Variants in ASTN2 observed in about 807,000 individuals in gnomAD.
ASTN2 encodes astrotactin-2.
In ASTN2, 54 loss-of-function variants were observed where a neutral mutation model predicts 139.8. The ratio of observed to expected loss-of-function variants is 0.39; its 90% CI spans 0.31 to 0.48. ASTN2 has a LOEUF of 0.48. Among genes scored for constraint, ASTN2 ranks in the 20% least tolerant of loss-of-function variants. The pLI is 0.95. For missense variants in ASTN2, 1,565 were observed against 1,725.1 expected (o/e 0.91, Z 1.64); for synonymous variants, 756 against 719.5 (o/e 1.05, Z -0.81).
chr9:116,481,400 C>T (rs576676506), intron 20 of ASTN2, among the ~76,000 whole-genome samples: 10 of 152,174 alleles, frequency 6.6e-5, no homozygotes, highest in African/African-American at 2.4e-4. Context: ...CAAAATGAAA[C>T]AAAAAATCTG....
intron 19 of ASTN2, among the ~76,000 whole-genome samples, chr9:116,534,614 A>G (rs1272786825): frequency 1.3e-5 from 2 of 152,084 alleles, no homozygotes; most frequent in Non-Finnish European, 2.9e-5. Context: ...TCATTTCGTT[A>G]TGTACCCAGT....
At chr9:116,556,018 A>C (rs1332905129) in intron 19 of ASTN2, among the ~76,000 whole-genome samples, 2 of 152,218 alleles carry the variant, frequency 1.3e-5, no homozygotes, top group African/African-American at 4.8e-5. Context: ...TCTCTTCAAC[A>C]GCACTGCATT....
chr9:117,297,024 G>T (rs1834753869), intron 1 of ASTN2, among the ~76,000 whole-genome samples: 1 of 152,148 alleles, frequency 6.6e-6, no homozygotes, highest in South Asian at 2.1e-4. Context: ...CTTTTAATCG[G>T]CTTGTTCTTC....
chr9:116,953,940 C>A (rs1835636295), intron 10 of ASTN2, among the ~76,000 whole-genome samples: 1 of 152,132 alleles, frequency 6.6e-6, no homozygotes, highest in Non-Finnish European at 1.5e-5. Flanking sequence ...AGACAGAGAA[C>A]CTTGTGCTAG....
chr9:117,273,183 T>C (rs1052031233), intron 2 of ASTN2, among the ~76,000 whole-genome samples: 1 of 152,130 alleles, frequency 6.6e-6, no homozygotes, highest in Non-Finnish European at 1.5e-5. Context: ...GAAGCAAAAG[T>C]AGAAACCCAA....
intron 3 of ASTN2, among the ~76,000 whole-genome samples, chr9:117,160,847 G>A (rs144048544): frequency 6.6e-6 from 1 of 152,088 alleles, no homozygotes; most frequent in Non-Finnish European, 1.5e-5. Flanking sequence ...AAAGGACAAG[G>A]TTTTGTGAGA....
At chr9:116,992,874 T>G (rs192339746) in intron 7 of ASTN2, among the ~76,000 whole-genome samples, 69 of 152,288 alleles carry the variant, frequency 4.5e-4, no homozygotes, top group Non-Finnish European at 8.4e-4. Flanking sequence ...CACTAAATAA[T>G]AGCAATGAAT....
At chr9:117,185,920 A>G (rs765141602) in intron 3 of ASTN2, among the ~76,000 whole-genome samples, 11 of 152,196 alleles carry the variant, frequency 7.2e-5, no homozygotes, top group Non-Finnish European at 1.5e-4. Flanking sequence ...TATCTCCATG[A>G]AGCCTGAGAC....
At chr9:116,651,030 C>T (rs1857881481) in intron 17 of ASTN2, among the ~76,000 whole-genome samples, 1 of 151,948 alleles carries the variant, frequency 6.6e-6, no homozygotes, top group Non-Finnish European at 1.5e-5. Context: ...ATTCTCCTGC[C>T]TCAGCCTCCC....
intron 20 of ASTN2, among the ~76,000 whole-genome samples, chr9:116,445,996 T>G (rs1401841158): frequency 6.6e-6 from 1 of 152,014 alleles, no homozygotes; most frequent in African/African-American, 2.4e-5. Context: ...GCTGTAATTG[T>G]AGAACTGTTC....
intron 3 of ASTN2, among the ~76,000 whole-genome samples, chr9:117,197,607 A>T (rs1301750325): frequency 6.6e-6 from 1 of 152,206 alleles, no homozygotes; most frequent in Non-Finnish European, 1.5e-5. Context: ...AATTATATAC[A>T]CTGATACACA....
intron 13 of ASTN2, among the ~76,000 whole-genome samples, chr9:116,768,627 T>C (rs1293633341): frequency 6.6e-6 from 1 of 152,188 alleles, no homozygotes; most frequent in Non-Finnish European, 1.5e-5. Context: ...GTGAGGCCTT[T>C]GGGAAGTGAT....
chr9:117,245,072 A>AAAACT (rs1237630446), intron 2 of ASTN2, among the ~76,000 whole-genome samples: 3 of 152,026 alleles, frequency 2.0e-5, no homozygotes, highest in Non-Finnish European at 4.4e-5. Flanking sequence ...AGCATTGAAC[A>AAAACT]AAACTAAAAA....
At chr9:117,184,303 G>A (rs1485771959) in intron 3 of ASTN2, among the ~76,000 whole-genome samples, 6 of 152,218 alleles carry the variant, frequency 3.9e-5, no homozygotes, top group East Asian at 1.9e-4. Context: ...GAGCTGTGCC[G>A]AGCCAAAGCA....
chr9:116,946,301 C>T (rs900637651), intron 10 of ASTN2, among the ~76,000 whole-genome samples: 2 of 152,116 alleles, frequency 1.3e-5, no homozygotes, highest in African/African-American at 4.8e-5. Context: ...CCCTGAGGCT[C>T]CCCACTAATT....
chr9:116,723,895 C>A (rs1284561497), intron 16 of ASTN2, among the ~76,000 whole-genome samples: 2 of 152,162 alleles, frequency 1.3e-5, no homozygotes, highest in African/African-American at 4.8e-5. Context: ...ACCAAGTTTA[C>A]CCCACAAGTT....
chr9:116,627,569 C>T (rs1018242970), intron 17 of ASTN2, among the ~76,000 whole-genome samples: 12 of 152,182 alleles, frequency 7.9e-5, no homozygotes, highest in Non-Finnish European at 1.5e-4. Flanking sequence ...TACATTATAT[C>T]ATTTAATCAT....
chr9:116,690,740 C>T (rs577667095), intron 16 of ASTN2, among the ~76,000 whole-genome samples: 1 of 152,130 alleles, frequency 6.6e-6, no homozygotes, highest in Admixed American at 6.5e-5. Context: ...AGACCTTGGA[C>T]AGGCTACTTT....
At chr9:116,502,155 G>T (rs1849881677) in intron 19 of ASTN2, among the ~76,000 whole-genome samples, 1 of 151,852 alleles carries the variant, frequency 6.6e-6, no homozygotes, top group South Asian at 2.1e-4. Flanking sequence ...GTGTGTGTGT[G>T]TGTATGTGTA....
Sources: allele counts gnomAD v4.1 joint callset (sites outside exome capture counted in the v4.1 genomes callset), GRCh38; gene constraint gnomAD v4.1.1; transcripts MANE v1.5; gene names NCBI Gene and HGNC (gene_info 2026-07-23, HGNC 2026-07-21).